The following SZT2 variants were observed in gnomAD, a reference collection of about 807,000 sequenced individuals.
SZT2 encodes the protein SZT2 subunit of KICSTOR complex, also known as KICSTOR complex protein SZT2.
SZT2 carries 216 observed loss-of-function variants against 404.2 expected under a neutral mutation model. That is an observed-to-expected ratio of 0.53 (90% CI 0.48 to 0.60). The LOEUF is 0.60. SZT2 is among the 20% of genes least tolerant of loss of function. The probability of loss-of-function intolerance (pLI) is 0.00; values close to 1 mark genes in which losing one functional copy is unlikely to be tolerated. For synonymous variants in SZT2, 1,693 were observed against 1,749.9 expected (o/e 0.97, Z 0.81); for missense variants, 3,857 against 4,459.2 (o/e 0.86, Z 3.85).
rs1384670640 is a variant in SZT2 at position 43,451,832 on chromosome 1, T to TTACAGAA, written c.*1352_*1353insTACAGAA. 6 of 1,613,954 alleles carry TTACAGAA rather than the reference T, an allele frequency of 3.7e-6. No homozygotes were observed. The highest frequency in any genetic ancestry group is 1.7e-5 in the Admixed American group (1 of 60,006). On this transcript the variant is annotated 3_prime_UTR_variant, in exon 72 of 72. Coordinates refer to ENST00000634258, the MANE Select transcript of SZT2 (RefSeq NM_001365999.1). ...TTGGAGGTTGGGTCTTCCTACCTTC[T>TTACAGAA]GTAAGATGGCTGCCGCTGTAAGAGA... is the stretch of plus-strand genomic sequence containing the variant.
chr1:43,422,451 C>T, intron 12 of SZT2, 29 bp from the exon 13 acceptor site: 1 of 1,544,956 alleles, frequency 6.5e-7, no homozygotes, highest in Non-Finnish European at 8.7e-7. Flanking sequence ...GCCTGGAGGT[C>T]TAACCTCAGT....
In SZT2 at chr1:43,450,890, T is replaced by C. The variant is rs1656312997; in HGVS notation, c.*410T>C. Reference sequence around the variant, plus strand: ...TCCCTTGAGCCTTCGGGTCTTCACTTCCCACTTGGACATCACTGCTGGACA... The same window carrying C: ...TCCCTTGAGCCTTCGGGTCTTCACTCCCCACTTGGACATCACTGCTGGACA... On this transcript the variant is annotated 3_prime_UTR_variant, in exon 72 of 72. Coordinates refer to ENST00000634258, the MANE Select transcript of SZT2 (RefSeq NM_001365999.1). The surrounding 1 kb of genome is among the most constrained non-coding windows in gnomAD (Gnocchi z 4.3). 1 of 734,850 alleles carries C rather than the reference T, an allele frequency of 1.4e-6. No individual in the cohort carries two copies. Among genetic ancestry groups the C allele is most frequent in the Admixed American group, 1.7e-5 (1 of 58,002 alleles). 45.5% of individuals were successfully genotyped at this position (734,850 alleles called of 1,614,324 possible). A position where few individuals can be genotyped will look rare whatever the true frequency, so the allele number is the denominator to read the frequency against.
Position 43,447,952 on chromosome 1 carries a change from G to A in SZT2, c.9544G>A (p.Ala3182Thr), listed in dbSNP as rs2153936886. Residue 3182 changes from alanine to threonine, a missense_variant, in exon 68 of 72, where the codon GCT (alanine) becomes ACT (threonine). By Grantham distance (58) the Ala-to-Thr change is moderately conservative. Around this residue, in one of 7 missense-constraint regions of SZT2, gnomAD observed 717 missense variants for 868.2 expected, o/e 0.83. Transcript: ENST00000634258. ...CAAPFEEQGE[A>T]ERHVLRLQFF... ...TGCACCCTTTGAGGAGCAAGGAGAG[G>A]CTGAGCGGCACGTTCTGCGGTCAGC... 1 of 1,614,002 alleles carries A rather than the reference G, an allele frequency of 6.2e-7. No individual in the cohort carries two copies. The highest frequency in any genetic ancestry group is 8.5e-7 in the Non-Finnish European group (1 of 1,180,000).
Position 43,441,259 on chromosome 1 carries a change from G to T in SZT2, c.7390G>T (p.Asp2464Tyr). 6.2e-7 allele frequency: 1 copy of T among 1,614,238 alleles called. No individual in the cohort carries two copies. The highest frequency in any genetic ancestry group is 8.5e-7 in the Non-Finnish European group (1 of 1,180,050). ...GDLGSPKTTDDIVLDRPEDTR... is the reference protein window; with the variant it reads ...GDLGSPKTTDYIVLDRPEDTR... Reference sequence around the variant, plus strand: ...TTTGGGTTCCCCCAAAACAACTGATGACATTGTCCTGGATCGGCCAGAAGA... The same window carrying T: ...TTTGGGTTCCCCCAAAACAACTGATTACATTGTCCTGGATCGGCCAGAAGA... Residue 2464 changes from aspartate (D) to tyrosine (Y), a missense_variant, in exon 53 of 72, where the codon GAC becomes TAC. Around this residue, in one of 7 missense-constraint regions of SZT2, gnomAD observed 573 missense variants for 592.4 expected, o/e 0.97. Transcript: ENST00000634258. The surrounding 1 kb of genome is among the most constrained non-coding windows in gnomAD (Gnocchi z 4.8).
At position 43,420,208 on chromosome 1, in the gene SZT2, C is replaced by T. The variant is rs773581060; in HGVS notation, c.1146C>T (p.Ala382=). 18 of 1,598,308 alleles carry T rather than the reference C, an allele frequency of 1.1e-5. No individual in the cohort carries two copies. Among genetic ancestry groups the T allele is most frequent in the Non-Finnish European group, 1.5e-5 (18 of 1,179,822 alleles). The change falls in exon 9 of 72, where the codon GCC becomes GCT. Residue 382 remains alanine (A), a synonymous_variant. Coordinates refer to ENST00000634258, the MANE Select transcript of SZT2 (RefSeq NM_001365999.1). The surrounding 1 kb of genome is among the most constrained non-coding windows in gnomAD (Gnocchi z 5.1). ...TGGTCTCTGCAAGCAGCAACCCTGCCCTGGCCTTGCGCCGGAAGAAGCACA... is the reference window on the plus strand; with the variant it reads ...TGGTCTCTGCAAGCAGCAACCCTGCTCTGGCCTTGCGCCGGAAGAAGCACA... ...EHLVSASSNP[A]LALRRKKHTE...
At chr1:43,445,094 C>G (rs1655517531) in intron 62 of SZT2, among the ~76,000 whole-genome samples, 1 of 152,168 alleles carries the variant, frequency 6.6e-6, no homozygotes. Context: ...AGCCAGTTCC[C>G]AGCTCTAGGA....
chr1:43,418,661 G>T (rs371608324), intron 7 of SZT2, among the ~76,000 whole-genome samples: 3 of 152,176 alleles, frequency 2.0e-5, no homozygotes, highest in African/African-American at 7.2e-5. Context: ...GGCTATGATC[G>T]TAGTTGGGGT....
At position 43,439,278 on chromosome 1, in the gene SZT2, A is replaced by T. The variant is rs57961593; in HGVS notation, c.6793-80A>T. On this transcript the variant is annotated intron_variant, in intron 48 of 71. Coordinates refer to ENST00000634258, the MANE Select transcript of SZT2 (RefSeq NM_001365999.1). This position sits in a 1 kb window ranked among gnomAD's most constrained non-coding sequence, Gnocchi z 4.2. ...ATGCTCCCATATCTACCTGCACCAC[A>T]TTCCCCACTGTGGGCACCCATCCCC... 15,311 of 1,554,514 alleles carry T rather than the reference A, an allele frequency of 9.8e-3. 1,267 individuals carry two copies. The African/African-American group carries it at 0.18, about 18-fold the overall frequency.
Position 43,450,063 on chromosome 1 carries a change from G to A in SZT2, c.10087-40G>A, listed in dbSNP as rs1656201611. On this transcript the variant is annotated intron_variant, in intron 70 of 71. Transcript: ENST00000634258. The surrounding 1 kb of genome is among the most constrained non-coding windows in gnomAD (Gnocchi z 4.3). The stretch of plus-strand genomic sequence containing the variant: ...TCACCTCAGGATGCCCTGTGGGAGG[G>A]TCTGTAGGGTCTGTGTCCCCTCCTC... 6.2e-7 allele frequency: 1 copy of A among 1,613,266 alleles called. No homozygotes were observed. Among genetic ancestry groups the A allele is most frequent in the Non-Finnish European group, 8.5e-7 (1 of 1,179,312 alleles).
At chr1:43,449,945 T>G in intron 70 of SZT2, 158 bp from the exon 71 acceptor site, 1 of 819,786 alleles carries the variant, frequency 1.2e-6, no homozygotes, top group South Asian at 1.5e-5. Flanking sequence ...GGATGAGGAC[T>G]GAGGCTCAAT....
rs185955157 is a variant in SZT2, at chr1:43,431,671, A to G, written c.5089-45A>G. On this transcript the variant is annotated intron_variant, in intron 35 of 71. Transcript: ENST00000634258. ...TAGTCCGGGAGTAAGGGGATGCCCA[A>G]GGAAGCAAGGGAGATGCCCTTTGTC... 9.1e-4 allele frequency: 1,470 copies of G among 1,607,510 alleles called. 19 individuals are homozygous for G. In the African/African-American group the frequency reaches 0.018, roughly 19 times the overall value.
Position 43,425,281 on chromosome 1 carries a change from C to T in SZT2, c.2645+74C>T. The T allele has an allele frequency of 1.3e-6, 2 of 1,574,344 alleles. No homozygotes were observed. The highest frequency in any genetic ancestry group is 1.7e-6 in the Non-Finnish European group (2 of 1,150,166). The stretch of plus-strand genomic sequence containing the variant: ...CCCACCATCCCCTAGAGGTCTGGCT[C>T]CCATATCCTGAGATGATCTTGATCC... On this transcript the variant is annotated intron_variant, in intron 18 of 71. Transcript: ENST00000634258. The surrounding 1 kb of genome is among the most constrained non-coding windows in gnomAD (Gnocchi z 4.3).
Position 43,426,397 on chromosome 1 carries a change from T to C in SZT2, c.3073T>C (p.Ser1025Pro), listed in dbSNP as rs1368940887. 6.3e-7 allele frequency: 1 copy of C among 1,582,230 alleles called. No homozygotes were observed. Reference sequence around the variant, plus strand: ...AGAGGGTGTCCCTTTCGCCGAGGGGTCCTGTCCTGCCAACGACATGGTGCT... The same window carrying C: ...AGAGGGTGTCCCTTTCGCCGAGGGGCCCTGTCCTGCCAACGACATGGTGCT... Reference protein sequence around the residue: ...EPEGVPFAEGSCPANDMVLCL... With the variant: ...EPEGVPFAEGPCPANDMVLCL... Residue 1025 changes from serine to proline, a missense_variant, in exon 22 of 72, where the codon TCC becomes CCC. This residue lies in a region of SZT2 where 1,725 missense variants were observed against 1,881.0 expected (regional missense o/e 0.92). Coordinates refer to ENST00000634258, the MANE Select transcript of SZT2 (RefSeq NM_001365999.1). This position sits in a 1 kb window ranked among gnomAD's most constrained non-coding sequence, Gnocchi z 4.9.
chr1:43,451,476 A>G lies in SZT2; in HGVS notation c.*996A>G, dbSNP rs1176756400. On this transcript the variant is annotated 3_prime_UTR_variant, in exon 72 of 72. Transcript: ENST00000634258. The stretch of plus-strand genomic sequence containing the variant: ...TCATCTTCCAGCAGTTGAAACAGAT[A>G]GGGGAAATTCAGCTCTCCGGGGCTG... The G allele has an allele frequency of 1.2e-6, 2 of 1,614,136 alleles. No individual in the cohort carries two copies. Among genetic ancestry groups the G allele is most frequent in the Non-Finnish European group, 1.7e-6 (2 of 1,180,036 alleles).
In SZT2 at chr1:43,453,563, A is replaced by G; in HGVS notation, c.*3083A>G. 1 of 1,474,890 alleles carries G rather than the reference A, an allele frequency of 6.8e-7. No individual in the cohort carries two copies. Among genetic ancestry groups the G allele is most frequent in the African/African-American group, 1.4e-5 (1 of 70,244 alleles). 91.4% of individuals were successfully genotyped at this position (1,474,890 alleles called of 1,614,324 possible). ...CCCTGCCCGCGCCCCGGCACCCCCCAGCCCTCCCAGCCCTCCCGGCCCGCG... is the reference window on the plus strand; with the variant it reads ...CCCTGCCCGCGCCCCGGCACCCCCCGGCCCTCCCAGCCCTCCCGGCCCGCG... On this transcript the variant is annotated 3_prime_UTR_variant, in exon 72 of 72. Transcript: ENST00000634258.
At position 43,432,599 on chromosome 1, in the gene SZT2, A is replaced by G. The variant is rs1192281108; in HGVS notation, c.5525A>G (p.Gln1842Arg). Residue 1842 changes from glutamine (Q) to arginine (R), a missense_variant, in exon 38 of 72, where the codon CAG becomes CGG. Physicochemically the swap from Gln to Arg is conservative, Grantham distance 43 (BLOSUM62 1). This residue lies in a region of SZT2 where 1,725 missense variants were observed against 1,881.0 expected (regional missense o/e 0.92). Coordinates refer to ENST00000634258, the MANE Select transcript of SZT2 (RefSeq NM_001365999.1). ...VPLISLPRVP[Q>R]GGSQPGPSRG... ...CTCATCAGCCTGCCCCGCGTGCCAC[A>G]GGGAGGTAAGAGAGGACTTGGGCAG... 6.2e-7 allele frequency: 1 copy of G among 1,613,858 alleles called. No homozygotes were observed. Among genetic ancestry groups the G allele is most frequent in the Non-Finnish European group, 8.5e-7 (1 of 1,179,866 alleles).
chr1:43,439,830 G>C lies in SZT2; in HGVS notation c.7043-51G>C, dbSNP rs1570706451. 8.3e-6 allele frequency: 13 copies of C among 1,562,482 alleles called. No homozygotes were observed. Among genetic ancestry groups the C allele is most frequent in the Non-Finnish European group, 1.0e-5 (12 of 1,152,692 alleles). On this transcript the variant is annotated intron_variant, in intron 50 of 71. Transcript: ENST00000634258. This position sits in a 1 kb window ranked among gnomAD's most constrained non-coding sequence, Gnocchi z 4.2. ...TATTGCTGTGGGAGGTAAGGGTGGT[G>C]AGTAGAGTGGGATCTAGGGACACCC...
chr1:43,397,922 C>G (rs544931823), intron 1 of SZT2, among the ~76,000 whole-genome samples: 1 of 152,314 alleles, frequency 6.6e-6, no homozygotes, highest in East Asian at 1.9e-4. Context: ...TAACTTAGTG[C>G]AGACAGTCAT....
rs376008392 is a variant in SZT2 at position 43,439,812 on chromosome 1, G to A, written c.7042+43G>A. On this transcript the variant is annotated intron_variant, in intron 50 of 71. Transcript: ENST00000634258. The surrounding 1 kb of genome is among the most constrained non-coding windows in gnomAD (Gnocchi z 4.2). ...GAGGATGAGGTGTTCAGTTATTGCT[G>A]TGGGAGGTAAGGGTGGTGAGTAGAG... The A allele has an allele frequency of 1.3e-6, 2 of 1,563,796 alleles. No individual in the cohort carries two copies. Among genetic ancestry groups the A allele is most frequent in the African/African-American group, 1.4e-5 (1 of 73,690 alleles).
Sources: allele counts gnomAD v4.1 joint callset (sites outside exome capture counted in the v4.1 genomes callset), GRCh38; gene constraint gnomAD v4.1.1; regional missense constraint gnomAD v4.1.1; non-coding constraint Gnocchi (gnomAD v3.1); transcripts MANE v1.5; gene names NCBI Gene and HGNC (gene_info 2026-07-23, HGNC 2026-07-21).